Variants in SYT14 observed in about 807,000 individuals in gnomAD.
SYT14 encodes the protein synaptotagmin-14.
In SYT14, 32 loss-of-function variants were observed where a neutral mutation model predicts 74.2. The observed-to-expected ratio is 0.43, with a 90% confidence interval of 0.33 to 0.58. The LOEUF (loss-of-function observed/expected upper bound fraction) is 0.58, where lower values mean the gene tolerates loss of function less well. SYT14 is among the 20% of genes least tolerant of loss of function. SYT14 has a pLI of 0.05. For missense variants in SYT14, 791 were observed against 981.8 expected (o/e 0.81, Z 2.60); for synonymous variants, 298 against 337.7 (o/e 0.88, Z 1.29).
chr1:209,986,061 G>A (rs2079564995), intron 2 of SYT14, among the ~76,000 whole-genome samples: 1 of 152,202 alleles, frequency 6.6e-6, no homozygotes, highest in Admixed American at 6.5e-5. Context: ...TTGGGTATTA[G>A]TACTTGGCTC....
intron 2 of SYT14, among the ~76,000 whole-genome samples, chr1:209,996,206 A>G (rs1480252580): frequency 6.6e-6 from 1 of 152,144 alleles, no homozygotes; most frequent in African/African-American, 2.4e-5. Context: ...TCCTTGAAAA[A>G]TTAAACAAGA....
intron 7 of SYT14, among the ~76,000 whole-genome samples, chr1:210,117,383 A>G (rs551255795): frequency 6.6e-6 from 1 of 152,296 alleles, no homozygotes; most frequent in Admixed American, 6.5e-5. Flanking sequence ...TATTCAGTAT[A>G]ATTCACAACT....
chr1:210,171,385 A>AG (rs2083525437), exon 10 of SYT14: 1 of 147,482 alleles, frequency 6.8e-6, no homozygotes, highest in East Asian at 2.0e-4. Context: ...ATTTTTAAAG[A>AG]GGGGAATGCC....
intron 2 of SYT14, among the ~76,000 whole-genome samples, chr1:209,979,907 A>G (rs181597958): frequency 2.5e-4 from 38 of 152,358 alleles, no homozygotes; most frequent in East Asian, 7.7e-4. Context: ...TAGTGCTACA[A>G]TGAACATGTG....
intron 2 of SYT14, among the ~76,000 whole-genome samples, chr1:209,975,410 G>A (rs1034958022): frequency 1.3e-5 from 2 of 152,138 alleles, no homozygotes; most frequent in Non-Finnish European, 2.9e-5. Flanking sequence ...AGAGTTTTTA[G>A]CATGAAGCTT....
At chr1:209,988,276 G>A (rs1222783714) in intron 2 of SYT14, among the ~76,000 whole-genome samples, 1 of 152,040 alleles carries the variant, frequency 6.6e-6, no homozygotes, top group African/African-American at 2.4e-5. Flanking sequence ...TTTACCTTTG[G>A]AAGTTTGATT....
chr1:209,984,263 G>T (rs770902822), intron 2 of SYT14, among the ~76,000 whole-genome samples: 12 of 152,188 alleles, frequency 7.9e-5, no homozygotes, highest in Non-Finnish European at 1.3e-4. Context: ...CAAGGTGGGG[G>T]CTGAAGGATG....
At chr1:210,023,557 T>C (rs979298840) in intron 5 of SYT14, among the ~76,000 whole-genome samples, 1 of 151,972 alleles carries the variant, frequency 6.6e-6, no homozygotes, top group Non-Finnish European at 1.5e-5. Flanking sequence ...TTGGCCAGGC[T>C]GGTCTCGAAC....
intron 1 of SYT14, among the ~76,000 whole-genome samples, chr1:209,951,946 TAGCAC>T (rs2078918288): frequency 6.6e-6 from 1 of 152,146 alleles, no homozygotes; most frequent in East Asian, 1.9e-4. Flanking sequence ...GCTGTAATGA[TAGCAC>T]TCAGGGGATT....
intron 7 of SYT14, among the ~76,000 whole-genome samples, chr1:210,144,845 ACT>A (rs2082997193): frequency 6.6e-6 from 1 of 152,106 alleles, no homozygotes; most frequent in African/African-American, 2.4e-5. Flanking sequence ...TGATTCTAAC[ACT>A]CTATATGCTG....
intron 1 of SYT14, among the ~76,000 whole-genome samples, chr1:209,949,212 T>A (rs1170080990): frequency 6.6e-6 from 1 of 152,190 alleles, no homozygotes; most frequent in East Asian, 1.9e-4. Context: ...TTAAAAAATT[T>A]ACATTTAACC....
intron 5 of SYT14, among the ~76,000 whole-genome samples, chr1:210,041,257 G>C (rs563500423): frequency 5.3e-4 from 80 of 152,278 alleles, no homozygotes; most frequent in African/African-American, 1.8e-3. Context: ...CAGATAGGAG[G>C]CTTTAGGTCA....
At chr1:210,064,259 T>C (rs2081258844) in intron 5 of SYT14, among the ~76,000 whole-genome samples, 1 of 152,058 alleles carries the variant, frequency 6.6e-6, no homozygotes, top group Non-Finnish European at 1.5e-5. Flanking sequence ...CTGTTATTTA[T>C]TTCTTTTAAT....
At chr1:210,030,047 G>A (rs554487381) in intron 5 of SYT14, among the ~76,000 whole-genome samples, 10 of 152,084 alleles carry the variant, frequency 6.6e-5, no homozygotes, top group African/African-American at 2.4e-4. Flanking sequence ...TTTTCAGATT[G>A]TTCATTATTA....
chr1:210,040,596 TTATAAA>T, intron 5 of SYT14, among the ~76,000 whole-genome samples: 1 of 152,160 alleles, frequency 6.6e-6, no homozygotes, highest in Non-Finnish European at 1.5e-5. Context: ...TACATTGTCC[TTATAAA>T]TAAATGGACG....
chr1:210,143,720 A>G (rs1012602216), intron 7 of SYT14, among the ~76,000 whole-genome samples: 3 of 152,166 alleles, frequency 2.0e-5, no homozygotes, highest in Non-Finnish European at 4.4e-5. Context: ...CCATTCAGAA[A>G]TAAGATATAA....
At chr1:210,035,563 A>G (rs1208887484) in intron 5 of SYT14, among the ~76,000 whole-genome samples, 1 of 151,812 alleles carries the variant, frequency 6.6e-6, no homozygotes, top group African/African-American at 2.4e-5. Context: ...GTGTTTAAGT[A>G]TTTAATCCAT....
intron 5 of SYT14, among the ~76,000 whole-genome samples, chr1:210,048,298 G>A (rs188912344): frequency 6.6e-6 from 1 of 152,078 alleles, no homozygotes; most frequent in Admixed American, 6.5e-5. Flanking sequence ...ATGTGTCCCT[G>A]TATTAGTCCA....
intron 7 of SYT14, among the ~76,000 whole-genome samples, chr1:210,113,412 C>T (rs531672366): frequency 1.3e-5 from 2 of 151,242 alleles, no homozygotes; most frequent in South Asian, 2.1e-4. Context: ...GGCACAGATC[C>T]TGAACTAACT....
Sources: allele counts gnomAD v4.1 joint callset (sites outside exome capture counted in the v4.1 genomes callset), GRCh38; gene constraint gnomAD v4.1.1; transcripts MANE v1.5; gene names NCBI Gene and HGNC (gene_info 2026-07-23, HGNC 2026-07-21).